Variants in RGS3 observed in about 807,000 individuals in gnomAD.
RGS3 encodes the protein regulator of G protein signaling 3.
RGS3 carries 80 observed loss-of-function variants against 132.6 expected under a neutral mutation model. The ratio of observed to expected loss-of-function variants is 0.60; its 90% CI spans 0.50 to 0.73. The LOEUF (loss-of-function observed/expected upper bound fraction) is 0.73. Ranked by LOEUF, RGS3 falls within the 30% of genes least tolerant of loss-of-function variation. The probability of loss-of-function intolerance (pLI) is 0.00; values close to 1 mark genes in which losing one functional copy is unlikely to be tolerated. For missense variants in RGS3, 1,382 were observed against 1,530.8 expected (o/e 0.90, Z 1.62); for synonymous variants, 598 against 620.6 (o/e 0.96, Z 0.54).
intron 7 of RGS3, among the ~76,000 whole-genome samples, chr9:113,492,301 T>G (rs1008643343): frequency 1.3e-5 from 2 of 152,188 alleles, no homozygotes; most frequent in African/African-American, 4.8e-5. Context: ...CTGCCCAAAA[T>G]GCTCTTCATT....
Position 113,507,604 on chromosome 9 carries a change from A to G in RGS3, c.1403A>G (p.Tyr468Cys). The change falls in exon 13 of 25, where the codon TAC (tyrosine) becomes TGC (cysteine). Residue 468 changes from tyrosine (Y) to cysteine (C), a missense_variant. Coordinates refer to ENST00000350696, the Ensembl canonical transcript of RGS3. This position sits in a 1 kb window ranked among gnomAD's most constrained non-coding sequence, Gnocchi z 5.0. ...GCCACTGCCCCCACCGACCCCAACT[A>G]CATCATCCTGGCCCCGCTGAATCCT... is the stretch of plus-strand genomic sequence containing the variant. 1 of 1,500,398 alleles carries G rather than the reference A, an allele frequency of 6.7e-7. No homozygotes were observed. Among genetic ancestry groups the G allele is most frequent in the Non-Finnish European group, 8.9e-7 (1 of 1,120,820 alleles). The allele number at this position is 1,500,398 out of a possible 1,614,324, so 92.9% of individuals were successfully genotyped here. A position where few individuals can be genotyped will look rare whatever the true frequency, so the allele number is the denominator to read the frequency against.
At chr9:113,478,146 G>A (rs1007507404) in intron 3 of RGS3, among the ~76,000 whole-genome samples, 2 of 151,806 alleles carry the variant, frequency 1.3e-5, no homozygotes, top group Admixed American at 6.6e-5. Context: ...AACCTCACCC[G>A]GCCACTCATT....
At chr9:113,566,976 G>C (rs1332435908) in intron 19 of RGS3, among the ~76,000 whole-genome samples, 1 of 152,224 alleles carries the variant, frequency 6.6e-6, no homozygotes, top group African/African-American at 2.4e-5. Context: ...CCTAGGGCAG[G>C]CCCTTCAGGG....
chr9:113,455,794 A>T (rs1829351389), upstream of RGS3, among the ~76,000 whole-genome samples: 1 of 152,254 alleles, frequency 6.6e-6, no homozygotes, highest in South Asian at 2.1e-4. Flanking sequence ...CACTTTTAAA[A>T]GGCAAATCCT....
exon 22 of RGS3, chr9:113,594,433 C>T (rs1835638535): frequency 1.2e-6 from 2 of 1,613,606 alleles, no homozygotes; most frequent in Non-Finnish European, 1.7e-6. Context: ...TCCCCAGAGC[C>T]AAGGACATGA....
chr9:113,527,851 G>C (rs1425341437), intron 17 of RGS3, among the ~76,000 whole-genome samples: 1 of 152,274 alleles, frequency 6.6e-6, no homozygotes, highest in East Asian at 1.9e-4. Context: ...TGTGTTAAGG[G>C]TTCTACCTTG....
At chr9:113,464,883 T>TG (rs1829577232) in intron 3 of RGS3, among the ~76,000 whole-genome samples, 4 of 152,358 alleles carry the variant, frequency 2.6e-5, no homozygotes, top group Non-Finnish European at 5.9e-5. Flanking sequence ...GGCTTACTCC[T>TG]GCTCAACATA....
intron 19 of RGS3, among the ~76,000 whole-genome samples, chr9:113,553,459 A>AAAAAAAAAAAAATATATATAT (rs1426114805): frequency 1.7e-5 from 1 of 58,706 alleles, no homozygotes; most frequent in Non-Finnish European, 3.0e-5. Context: ...AAAAAAAAAA[A>AAAAAAAAAAAAATATATATAT]ATATATATAT....
At chr9:113,587,948 A>C (rs928453408) in intron 20 of RGS3, among the ~76,000 whole-genome samples, 2 of 152,232 alleles carry the variant, frequency 1.3e-5, no homozygotes, top group South Asian at 4.1e-4. Flanking sequence ...CCTGCAGAGC[A>C]GATCACAGGC....
At chr9:113,494,487 C>T (rs1830621281) in intron 7 of RGS3, among the ~76,000 whole-genome samples, 1 of 152,158 alleles carries the variant, frequency 6.6e-6, no homozygotes, top group African/African-American at 2.4e-5. Context: ...TGCTCTGTTG[C>T]TGCAACTGCC....
chr9:113,510,741 A>C (rs1006494795), intron 14 of RGS3, among the ~76,000 whole-genome samples: 1 of 152,220 alleles, frequency 6.6e-6, no homozygotes, highest in Admixed American at 6.5e-5. Flanking sequence ...ACAAGTGAGG[A>C]AATGATGATG....
intron 19 of RGS3, among the ~76,000 whole-genome samples, chr9:113,545,928 C>G (rs1833094320): frequency 6.6e-6 from 1 of 152,202 alleles, no homozygotes; most frequent in African/African-American, 2.4e-5. Flanking sequence ...AGGATTGAAA[C>G]TTGGACAGCC....
chr9:113,556,451 GATA>G (rs1833569791), intron 19 of RGS3, among the ~76,000 whole-genome samples: 1 of 152,106 alleles, frequency 6.6e-6, no homozygotes, highest in South Asian at 2.1e-4. Context: ...TTCTTTCTGT[GATA>G]ATATATAATC....
At chr9:113,569,587 TTCCTTCCTTCC>T (rs1564584062) in intron 19 of RGS3, among the ~76,000 whole-genome samples, 109 of 126,716 alleles carry the variant, frequency 8.6e-4, no homozygotes, top group African/African-American at 1.8e-3. Context: ...CTTTCCTTCC[TTCCTTCCTTCC>T]TTCCTTCCTT....
exon 8 of RGS3, chr9:113,495,794 G>A (rs1830662987): frequency 1.2e-6 from 2 of 1,614,136 alleles, no homozygotes; most frequent in Non-Finnish European, 1.7e-6. Context: ...AGACAGAGTG[G>A]ACTCATTGGC....
chr9:113,491,537 C>CA (rs1317986961), intron 7 of RGS3, among the ~76,000 whole-genome samples: 3 of 151,990 alleles, frequency 2.0e-5, no homozygotes, highest in African/African-American at 7.2e-5. Context: ...AGCCATGAGC[C>CA]ACCGTGCCCA....
chr9:113,470,131 G>C lies in RGS3; in HGVS notation c.415+7930G>C, dbSNP rs539089125. On this transcript the variant is annotated intron_variant, in intron 3 of 24. Transcript: ENST00000350696. ...TTACCATGTTGGCCACACTGGTCTC[G>C]AACTCCTGACCTCAGGTGATCCACC... is the stretch of plus-strand genomic sequence containing the variant. Among the ~76,000 whole-genome samples the C allele has an allele frequency of 1.1e-4, 16 of 151,760 alleles. No individual in the cohort carries two copies. In the East Asian group the frequency reaches 3.1e-3, roughly 29 times the overall value.
chr9:113,539,453 G>T (rs2118635842), intron 19 of RGS3, among the ~76,000 whole-genome samples: 1 of 152,296 alleles, frequency 6.6e-6, no homozygotes, highest in African/African-American at 2.4e-5. Flanking sequence ...GGTACCACAG[G>T]CACATGCCAC....
intron 3 of RGS3, among the ~76,000 whole-genome samples, chr9:113,467,172 C>T (rs1183233831): frequency 6.6e-6 from 1 of 152,136 alleles, no homozygotes; most frequent in African/African-American, 2.4e-5. Context: ...ATAATACTGC[C>T]ATGAACATTT....
Sources: allele counts gnomAD v4.1 joint callset (sites outside exome capture counted in the v4.1 genomes callset), GRCh38; gene constraint gnomAD v4.1.1; non-coding constraint Gnocchi (gnomAD v3.1); transcripts MANE v1.5; gene names NCBI Gene and HGNC (gene_info 2026-07-23, HGNC 2026-07-21).